Variants in SLC39A11 observed in about 807,000 individuals in gnomAD.
The protein encoded by SLC39A11 is solute carrier family 39 member 11.
SLC39A11 carries 33 observed loss-of-function variants against 36.1 expected under a neutral mutation model. The observed-to-expected ratio is 0.91, with a 90% confidence interval of 0.69 to 1.22. SLC39A11 has a LOEUF of 1.22. Ranked by LOEUF, SLC39A11 falls within the 50% of genes most tolerant of loss-of-function variation. The pLI is 0.00. For missense variants in SLC39A11, 432 were observed against 430.3 expected (o/e 1.00, Z -0.03); for synonymous variants, 166 against 170.3 (o/e 0.97, Z 0.20).
intron 3 of SLC39A11, among the ~76,000 whole-genome samples, chr17:73,040,989 A>AAAAAAC (rs2059090480): frequency 4.3e-5 from 1 of 23,392 alleles, no homozygotes; most frequent in Admixed American, 6.8e-4. Flanking sequence ...CATCTCAAAA[A>AAAAAAC]AAAAACAAAA....
At chr17:72,975,917 T>C (rs2087807552) in intron 4 of SLC39A11, among the ~76,000 whole-genome samples, 1 of 152,142 alleles carries the variant, frequency 6.6e-6, no homozygotes, top group African/African-American at 2.4e-5. Flanking sequence ...ACACCTGTAA[T>C]TCCAGCACTT....
intron 7 of SLC39A11, 88 bp downstream of exon 7, chr17:72,736,562 T>G: frequency 8.7e-7 from 1 of 1,149,590 alleles, no homozygotes; most frequent in Non-Finnish European, 1.3e-6. Flanking sequence ...TGAACAATAA[T>G]GCACAGACAG....
At position 73,038,428 on chromosome 17, in the gene SLC39A11, G is replaced by A. The variant is rs181296501; in HGVS notation, c.148-6714C>T. Among the ~76,000 whole-genome samples, 538 of 151,892 alleles carry A rather than the reference G, an allele frequency of 3.5e-3. 15 individuals carry two copies. The highest frequency in any genetic ancestry group is 7.1e-4 in the Non-Finnish European group (48 of 67,972). ...AGAAGCTGAGTATAGGCTGGGCACA[G>A]TGGCTCACGCCTGTAATCCTAGCAC... On this transcript the variant is annotated intron_variant, in intron 3 of 9. Transcript: ENST00000255559.
chr17:72,706,600 T>G (rs1409793415), intron 7 of SLC39A11, among the ~76,000 whole-genome samples: 1 of 152,236 alleles, frequency 6.6e-6, no homozygotes, highest in East Asian at 1.9e-4. Flanking sequence ...GACAAGTGAA[T>G]TCAGCTTGTT....
In SLC39A11 at chr17:72,891,175, A is replaced by C. The variant is rs763845994; in HGVS notation, c.431-41371T>G. Among the ~76,000 whole-genome samples the C allele has an allele frequency of 4.8e-4, 73 of 152,148 alleles. 1 individual carries two copies. The highest frequency in any genetic ancestry group is 1.0e-3 in the Non-Finnish European group (68 of 68,028). On this transcript the variant is annotated intron_variant, in intron 5 of 9. Coordinates refer to ENST00000255559, the MANE Select transcript of SLC39A11 (RefSeq NM_139177.4). ...CTGGGCTCACACCTGTAATCCCAGC[A>C]CTTTGGGAGGCCAAGGTGAGTGGAT...
At chr17:72,959,866 C>T (rs1441214062) in intron 4 of SLC39A11, among the ~76,000 whole-genome samples, 1 of 152,128 alleles carries the variant, frequency 6.6e-6, no homozygotes. Flanking sequence ...TGTACATGGA[C>T]AAAATCTCCT....
At chr17:72,816,286 C>T (rs2077581142) in intron 6 of SLC39A11, among the ~76,000 whole-genome samples, 1 of 152,170 alleles carries the variant, frequency 6.6e-6, no homozygotes, top group Non-Finnish European at 1.5e-5. Flanking sequence ...AATGAACTTC[C>T]AGACACAGCT....
At chr17:72,654,753 G>A (rs1230937092) in intron 7 of SLC39A11, among the ~76,000 whole-genome samples, 1 of 152,194 alleles carries the variant, frequency 6.6e-6, no homozygotes, top group African/African-American at 2.4e-5. Context: ...CTCTCAGTCC[G>A]CTGCCATTGC....
chr17:72,768,905 C>T (rs192936902), intron 6 of SLC39A11, among the ~76,000 whole-genome samples: 4 of 151,884 alleles, frequency 2.6e-5, no homozygotes, highest in African/African-American at 7.3e-5. Flanking sequence ...GGACTATAGG[C>T]GCCCGCCACC....
intron 7 of SLC39A11, among the ~76,000 whole-genome samples, chr17:72,718,105 T>C (rs2344303): frequency 0.054 from 8,210 of 152,274 alleles, 739 homozygotes; most frequent in African/African-American, 0.18. Flanking sequence ...ACTGTGGATT[T>C]TTTACCTAGG....
intron 7 of SLC39A11, among the ~76,000 whole-genome samples, chr17:72,716,111 G>A (rs2073350831): frequency 6.7e-6 from 1 of 150,344 alleles, no homozygotes; most frequent in African/African-American, 2.4e-5. Context: ...ACCCCAAAAA[G>A]GCCCAAGGGA....
chr17:73,017,367 C>G (rs1291884037), intron 4 of SLC39A11, among the ~76,000 whole-genome samples: 1 of 152,150 alleles, frequency 6.6e-6, no homozygotes, highest in Admixed American at 6.5e-5. Flanking sequence ...CAGGTAGGGA[C>G]TTTCCAAACT....
At chr17:72,969,546 T>C (rs1466663045) in intron 4 of SLC39A11, among the ~76,000 whole-genome samples, 2 of 152,198 alleles carry the variant, frequency 1.3e-5, no homozygotes, top group Non-Finnish European at 2.9e-5. Context: ...CGTTCCTTCT[T>C]GTTCCCTCCT....
chr17:72,971,052 T>A (rs2087412409), intron 4 of SLC39A11, among the ~76,000 whole-genome samples: 2 of 152,210 alleles, frequency 1.3e-5, no homozygotes, highest in African/African-American at 4.8e-5. Context: ...AGAGGCTGAC[T>A]GTCCTGCCTC....
At chr17:72,706,229 A>C (rs1328804373) in intron 7 of SLC39A11, among the ~76,000 whole-genome samples, 2 of 152,188 alleles carry the variant, frequency 1.3e-5, no homozygotes, top group Non-Finnish European at 2.9e-5. Flanking sequence ...TTCTAGATGC[A>C]TTTAGAAACT....
intron 6 of SLC39A11, among the ~76,000 whole-genome samples, chr17:72,761,035 G>T (rs1159787481): frequency 6.6e-6 from 1 of 152,186 alleles, no homozygotes; most frequent in Non-Finnish European, 1.5e-5. Context: ...TATGGAACAA[G>T]GTAAACAGCA....
At chr17:72,762,771 C>T (rs1200770596) in intron 6 of SLC39A11, among the ~76,000 whole-genome samples, 2 of 152,138 alleles carry the variant, frequency 1.3e-5, no homozygotes, top group Non-Finnish European at 2.9e-5. Flanking sequence ...TCCTCAGACC[C>T]ATGGCAGACC....
At chr17:73,011,442 A>C (rs2090510080) in intron 4 of SLC39A11, among the ~76,000 whole-genome samples, 1 of 152,194 alleles carries the variant, frequency 6.6e-6, no homozygotes, top group South Asian at 2.1e-4. Context: ...CCAGAAACAC[A>C]ATCAGACTCA....
chr17:72,970,483 G>C (rs573031085), intron 4 of SLC39A11, among the ~76,000 whole-genome samples: 1 of 152,310 alleles, frequency 6.6e-6, no homozygotes, highest in Non-Finnish European at 1.5e-5. Context: ...CAAATGTGCT[G>C]CTGAATTGCC....
Sources: allele counts gnomAD v4.1 joint callset (sites outside exome capture counted in the v4.1 genomes callset), GRCh38; gene constraint gnomAD v4.1.1; transcripts MANE v1.5; gene names NCBI Gene and HGNC (gene_info 2026-07-23, HGNC 2026-07-21).